SH3D21: variants seen among roughly 807,000 people sequenced by gnomAD.
SH3D21 encodes the protein SH3 domain-containing protein 21.
In SH3D21, 83 loss-of-function variants were observed where a neutral mutation model predicts 82.1. The ratio of observed to expected loss-of-function variants is 1.01; its 90% CI spans 0.85 to 1.21. SH3D21 has a LOEUF of 1.21. Among genes scored for constraint, SH3D21 ranks in the 50% most tolerant of loss-of-function variants. The pLI is 0.00. For missense variants in SH3D21, 980 were observed against 962.1 expected (o/e 1.02, Z -0.25); for synonymous variants, 383 against 387.8 (o/e 0.99, Z 0.15).
chr1:36,307,288 G>T lies in SH3D21; in HGVS notation c.345+3G>T. 1 of 1,551,898 alleles carries T rather than the reference G, an allele frequency of 6.4e-7. No homozygotes were observed. Among genetic ancestry groups the T allele is most frequent in the Non-Finnish European group, 8.7e-7 (1 of 1,147,030 alleles). ...AGATCGTGGAAATGATAAAGGAGGT[G>T]AGGGGTGAGGTGATGGGACCGTTTG... On this transcript the variant is annotated splice_donor_region_variant and intron_variant, in intron 4 of 15. Coordinates refer to ENST00000453908, the MANE Select transcript of SH3D21 (RefSeq NM_001162530.2). This position sits in a 1 kb window ranked among gnomAD's most constrained non-coding sequence, Gnocchi z 5.4.
Position 36,321,133 on chromosome 1 carries a change from G to A in SH3D21, c.*6G>A. On this transcript the variant is annotated 3_prime_UTR_variant, in exon 16 of 16. Transcript: ENST00000453908. This position sits in a 1 kb window ranked among gnomAD's most constrained non-coding sequence, Gnocchi z 6.1. ...CGCAGACGCAGACCTACTGAGGGTGGGCCTGGGAAGGGACCGCGGCCTGAC... is the reference window on the plus strand; with the variant it reads ...CGCAGACGCAGACCTACTGAGGGTGAGCCTGGGAAGGGACCGCGGCCTGAC... The A allele has an allele frequency of 6.2e-7, 1 of 1,609,464 alleles. No individual in the cohort carries two copies. Among genetic ancestry groups the A allele is most frequent in the Middle Eastern group, 1.7e-4 (1 of 5,984 alleles).
downstream of SH3D21, among the ~76,000 whole-genome samples, chr1:36,325,268 G>A (rs1236879849): frequency 6.6e-6 from 1 of 152,102 alleles, no homozygotes; most frequent in Non-Finnish European, 1.5e-5. Context: ...CTGGGCTCAA[G>A]TGATCCACCC....
intron 10 of SH3D21, among the ~76,000 whole-genome samples, chr1:36,314,617 G>A (rs988914172): frequency 6.6e-6 from 1 of 151,560 alleles, no homozygotes; most frequent in African/African-American, 2.4e-5. Context: ...CACCACACCC[G>A]GCTAATTTTT....
At chr1:36,316,737 C>T (rs1329816949) in intron 10 of SH3D21, among the ~76,000 whole-genome samples, 1 of 151,724 alleles carries the variant, frequency 6.6e-6, no homozygotes, top group African/African-American at 2.4e-5. Flanking sequence ...CTCCCTCCCT[C>T]CGCCTTTCTG....
chr1:36,327,946 C>A (rs145729678), downstream of SH3D21: 4 of 1,101,832 alleles, frequency 3.6e-6, no homozygotes, highest in Admixed American at 2.3e-5. Flanking sequence ...CCACCCGCTT[C>A]GGATCTCTGC....
chr1:36,306,899 CGCCGAGGTGAGCGCA>C lies in SH3D21; in HGVS notation c.221_226+9del, dbSNP rs1482229744. On this transcript the variant is annotated splice_donor_variant and splice_donor_5th_base_variant and coding_sequence_variant and intron_variant, in exon 3 of 16. Coordinates refer to ENST00000453908, the MANE Select transcript of SH3D21 (RefSeq NM_001162530.2). LOFTEE classifies it high-confidence loss of function. This position sits in a 1 kb window ranked among gnomAD's most constrained non-coding sequence, Gnocchi z 4.5. ...GGCGCGGAGGCCGCGCTGTGCGCGC[CGCCGAGGTGAGCGCA>C]AGGGCGGGGACGGGCGCCGGTGGGC... 9.1e-6 allele frequency: 12 copies of C among 1,317,038 alleles called. No individual in the cohort carries two copies. Among genetic ancestry groups the C allele is most frequent in the Non-Finnish European group, 1.2e-5 (12 of 1,007,914 alleles). 81.6% of individuals were successfully genotyped at this position (1,317,038 alleles called of 1,614,324 possible).
rs1214925319 is a variant in SH3D21 at position 36,307,476 on chromosome 1, G to A, written c.346-41G>A. 6.6e-7 allele frequency: 1 copy of A among 1,521,860 alleles called. No homozygotes were observed. The highest frequency in any genetic ancestry group is 8.9e-7 in the Non-Finnish European group (1 of 1,127,512). 94.3% of individuals were successfully genotyped at this position (1,521,860 alleles called of 1,614,324 possible). On this transcript the variant is annotated intron_variant, in intron 4 of 15. Transcript: ENST00000453908. The surrounding 1 kb of genome is among the most constrained non-coding windows in gnomAD (Gnocchi z 5.4). The stretch of plus-strand genomic sequence containing the variant: ...GTGGCAGATTATCCTAGGGACTCTT[G>A]GGGCAGAACCAGACGCCTCTGCGTC...
intron 10 of SH3D21, among the ~76,000 whole-genome samples, chr1:36,311,737 C>T (rs1296214863): frequency 6.6e-6 from 1 of 151,580 alleles, no homozygotes. Flanking sequence ...TCTTTGTTGC[C>T]CTGGTTAGAG....
chr1:36,309,233 A>G (rs1646190024), intron 9 of SH3D21, among the ~76,000 whole-genome samples: 1 of 147,760 alleles, frequency 6.8e-6, no homozygotes, highest in African/African-American at 2.5e-5. Context: ...GTCTCGCTCT[A>G]TTGCACAGAC....
At chr1:36,318,164 C>G (rs1646375470) in intron 10 of SH3D21, among the ~76,000 whole-genome samples, 1 of 152,008 alleles carries the variant, frequency 6.6e-6, no homozygotes, top group African/African-American at 2.4e-5. Context: ...TTGGATGTGT[C>G]TCATAAGGAA....
At chr1:36,322,535 C>T (rs1169384015), downstream of SH3D21, 2 of 1,600,522 alleles carry the variant, frequency 1.2e-6, no homozygotes, top group Non-Finnish European at 8.5e-7. Context: ...CCAGCCGAGT[C>T]ACCGTGTCCT....
chr1:36,329,173 A>G (rs1445672509), downstream of SH3D21: 1 of 152,162 alleles, frequency 6.6e-6, no homozygotes, highest in Non-Finnish European at 1.5e-5. Context: ...AAATCATCCA[A>G]TGGTTTTTTT....
rs947261106 is a variant in SH3D21 at position 36,320,992 on chromosome 1, C to G, written c.2199+14C>G. On this transcript the variant is annotated intron_variant, in intron 15 of 15. Transcript: ENST00000453908. The stretch of plus-strand genomic sequence containing the variant: ...CGGCGGCTGGAGGTGAGGCGCGGGT[C>G]CCGGCGGGAGGGGGCTGACGGCGAG... 3.2e-6 allele frequency: 5 copies of G among 1,572,964 alleles called. No individual in the cohort carries two copies. Among genetic ancestry groups the G allele is most frequent in the Non-Finnish European group, 4.3e-6 (5 of 1,159,952 alleles).
downstream of SH3D21, chr1:36,328,068 CTGCT>C (rs1330562890): frequency 4.3e-6 from 2 of 462,778 alleles, no homozygotes; most frequent in Non-Finnish European, 8.6e-6. Context: ...GCTCACCTGC[CTGCT>C]TGTTGACTGC....
rs749106787 is a variant in SH3D21, at chr1:36,320,925, A to AGG, written c.2146_2147insGG (p.Thr716ArgfsTer8). 9 of 1,565,024 alleles carry AGG rather than the reference A, an allele frequency of 5.8e-6. No homozygotes were observed. The South Asian group carries it at 1.1e-4, about 18-fold the overall frequency. ...CGCCTCGGCCCGCAGGAGGAAGCTG[A>AGG]CCGACATCTGGGAGGAGCTGAAGAG... On this transcript the variant is annotated frameshift_variant, in exon 15 of 16. Transcript: ENST00000453908. LOFTEE classifies it high-confidence loss of function.
Position 36,321,341 on chromosome 1 carries a change from A to C in SH3D21, c.*214A>C. 7 of 1,378,080 alleles carry C rather than the reference A, an allele frequency of 5.1e-6. No homozygotes were observed. Among genetic ancestry groups the C allele is most frequent in the Admixed American group, 3.1e-5 (1 of 31,776 alleles). 85.4% of individuals were successfully genotyped at this position (1,378,080 alleles called of 1,614,324 possible). A position where few individuals can be genotyped will look rare whatever the true frequency, so the allele number is the denominator to read the frequency against. On this transcript the variant is annotated 3_prime_UTR_variant, in exon 16 of 16. Coordinates refer to ENST00000453908, the MANE Select transcript of SH3D21 (RefSeq NM_001162530.2). This position sits in a 1 kb window ranked among gnomAD's most constrained non-coding sequence, Gnocchi z 6.1. ...ATCTGGCCAACATGTGGCTCCCATT[A>C]CCGTTCCCAAGGCCTGCGCGCGGCT...
chr1:36,311,120 G>A (rs4652905), intron 10 of SH3D21, among the ~76,000 whole-genome samples: 121,479 of 152,082 alleles, frequency 0.8, 50,105 homozygotes, highest in East Asian at 0.94. Context: ...TGTTGCCCAG[G>A]CTGGTCTTGA....
chr1:36,321,125 T>G lies in SH3D21; in HGVS notation c.2269T>G (p.Ter757GlyextTer10). Residue 757 changes from the stop codon to glycine (G), a stop_lost, in exon 16 of 16, where the codon TGA (stop) becomes GGA (glycine). Coordinates refer to ENST00000453908, the MANE Select transcript of SH3D21 (RefSeq NM_001162530.2). This position sits in a 1 kb window ranked among gnomAD's most constrained non-coding sequence, Gnocchi z 6.1. Reference sequence around the variant, plus strand: ...CATCCACACGCAGACGCAGACCTACTGAGGGTGGGCCTGGGAAGGGACCGC... The same window carrying G: ...CATCCACACGCAGACGCAGACCTACGGAGGGTGGGCCTGGGAAGGGACCGC... ...RVIHTQTQTY* is the reference protein window; with the variant it reads ...RVIHTQTQTYG The G allele has an allele frequency of 1.2e-6, 2 of 1,610,690 alleles. No homozygotes were observed. The highest frequency in any genetic ancestry group is 2.2e-5 in the South Asian group (2 of 90,390).
chr1:36,316,070 A>G (rs1361784028), intron 10 of SH3D21, among the ~76,000 whole-genome samples: 1 of 152,086 alleles, frequency 6.6e-6, no homozygotes, highest in Admixed American at 6.6e-5. Flanking sequence ...CAGTTCCACT[A>G]TCTGTTGTGT....
Sources: allele counts gnomAD v4.1 joint callset (sites outside exome capture counted in the v4.1 genomes callset), GRCh38; gene constraint gnomAD v4.1.1; non-coding constraint Gnocchi (gnomAD v3.1); transcripts MANE v1.5; gene names NCBI Gene and HGNC (gene_info 2026-07-23, HGNC 2026-07-21).